Variants in LRP1B observed in about 807,000 individuals in gnomAD.
The protein encoded by LRP1B is LDL receptor related protein 1B.
A neutral mutation model predicts 556.6 loss-of-function variants in LRP1B; 217 were observed. That is an observed-to-expected ratio of 0.39 (90% CI 0.35 to 0.44). LRP1B has a LOEUF of 0.44. LRP1B is among the 20% of genes least tolerant of loss of function. LRP1B has a pLI of 1.00. For missense variants in LRP1B, 5,053 were observed against 5,620.8 expected (o/e 0.90, Z 3.23); for synonymous variants, 2,047 against 1,865.8 (o/e 1.10, Z -2.50).
intron 3 of LRP1B, among the ~76,000 whole-genome samples, chr2:141,332,448 G>GAAA (rs59675152): frequency 4.3e-5 from 6 of 139,010 alleles, no homozygotes; most frequent in Non-Finnish European, 4.6e-5. Context: ...ATATCTAACT[G>GAAA]AAAAAAAAAA....
chr2:140,935,792 C>T (rs1338750639), intron 20 of LRP1B, among the ~76,000 whole-genome samples: 1 of 151,916 alleles, frequency 6.6e-6, no homozygotes, highest in East Asian at 1.9e-4. Context: ...GAGAGATCCT[C>T]AGTATGATTA....
rs578047859 is a variant in LRP1B at position 141,594,893 on chromosome 2, C to G, written c.206-114360G>C. 2.0e-5 allele frequency among the ~76,000 whole-genome samples: 3 copies of G among 152,166 alleles called. No individual in the cohort carries two copies. The South Asian group carries it at 6.2e-4, about 32-fold the overall frequency. ...TGTCAAGAATATTTCTAGCTTTGAA[C>G]AGCCTGTAATTTCTAGTTTTCCTAA... On this transcript the variant is annotated intron_variant, in intron 2 of 90. Transcript: ENST00000389484.
intron 43 of LRP1B, among the ~76,000 whole-genome samples, chr2:140,553,422 A>AC (rs148593842): frequency 3.4e-5 from 5 of 148,202 alleles, no homozygotes; most frequent in Non-Finnish European, 7.5e-5. Context: ...TTGTGCTCTT[A>AC]ACACACACAC....
Position 140,297,811 on chromosome 2 carries a change from A to G in LRP1B, c.12964T>C (p.Tyr4322His), listed in dbSNP as rs1198295302. The change falls in exon 84 of 91, where the codon TAC becomes CAC. Residue 4322 changes from tyrosine to histidine, a missense_variant. Tyr to His is a moderately conservative substitution (Grantham distance 83). Around this residue, in one of 5 missense-constraint regions of LRP1B, gnomAD observed 551 missense variants for 592.0 expected, o/e 0.93. Coordinates refer to ENST00000389484, the MANE Select transcript of LRP1B (RefSeq NM_018557.3). ...QPEYTGDRCQ[Y>H]YVCHHYCVNS... ...TCTGGGTGCTGCTTTTACTTACAGT[A>G]CTGACATCTGTCTCCGGTGTATTCC... 6.2e-7 allele frequency: 1 copy of G among 1,612,828 alleles called. No homozygotes were observed. Among genetic ancestry groups the G allele is most frequent in the African/African-American group, 1.3e-5 (1 of 74,894 alleles).
chr2:140,565,201 G>GTA (rs973128045), intron 43 of LRP1B, among the ~76,000 whole-genome samples: 46 of 78,948 alleles, frequency 5.8e-4, no homozygotes, highest in African/African-American at 1.8e-3. Context: ...ATATATATCT[G>GTA]TATATATACA....
intron 11 of LRP1B, among the ~76,000 whole-genome samples, chr2:141,022,565 A>G (rs1012370240): frequency 2.0e-5 from 3 of 151,966 alleles, no homozygotes; most frequent in African/African-American, 7.2e-5. Flanking sequence ...ATAGAACATC[A>G]GTCTTATGTA....
chr2:140,573,473 A>G (rs1481084420), intron 43 of LRP1B, among the ~76,000 whole-genome samples: 1 of 151,918 alleles, frequency 6.6e-6, no homozygotes, highest in Non-Finnish European at 1.5e-5. Flanking sequence ...CAAAAACAAG[A>G]ATAACTAATC....
intron 41 of LRP1B, among the ~76,000 whole-genome samples, chr2:140,613,911 G>A (rs1394196398): frequency 6.6e-6 from 1 of 152,030 alleles, no homozygotes; most frequent in Non-Finnish European, 1.5e-5. Context: ...AGATGTGTAT[G>A]TATCTCCTAC....
chr2:141,694,699 G>A (rs1246625781), intron 2 of LRP1B, among the ~76,000 whole-genome samples: 1 of 151,412 alleles, frequency 6.6e-6, no homozygotes, highest in African/African-American at 2.4e-5. Flanking sequence ...GGAACAAATG[G>A]TGCTCTTTAG....
rs144678674 is a variant in LRP1B at position 140,998,347 on chromosome 2, T to C, written c.2504-4212A>G. On this transcript the variant is annotated intron_variant, in intron 15 of 90. Transcript: ENST00000389484. ...AATAATCTTGCTGGAGTTTTTGAAGTTGTTGTTAATAGTGACTCACTGTCT... is the reference window on the plus strand; with the variant it reads ...AATAATCTTGCTGGAGTTTTTGAAGCTGTTGTTAATAGTGACTCACTGTCT... Among the ~76,000 whole-genome samples the C allele has an allele frequency of 8.7e-4, 133 of 152,226 alleles. 1 individual carries two copies. In the South Asian group the frequency reaches 0.014, roughly 16 times the overall value.
chr2:140,639,373 T>A (rs1684191615), intron 41 of LRP1B, among the ~76,000 whole-genome samples: 1 of 152,218 alleles, frequency 6.6e-6, no homozygotes, highest in African/African-American at 2.4e-5. Context: ...TTTACCATGG[T>A]TGAACACTCT....
At chr2:140,703,811 C>T (rs1686732001) in intron 37 of LRP1B, among the ~76,000 whole-genome samples, 1 of 152,112 alleles carries the variant, frequency 6.6e-6, no homozygotes, top group Non-Finnish European at 1.5e-5. Flanking sequence ...GGTTTATGGC[C>T]TCCAGCTCCA....
chr2:140,725,974 G>A (rs1055795729), intron 35 of LRP1B, among the ~76,000 whole-genome samples: 1 of 152,070 alleles, frequency 6.6e-6, no homozygotes, highest in Non-Finnish European at 1.5e-5. Flanking sequence ...AACTGCTTGA[G>A]GAATGTTTTA....
intron 7 of LRP1B, among the ~76,000 whole-genome samples, chr2:141,141,535 A>C (rs1701651932): frequency 6.6e-6 from 1 of 152,134 alleles, no homozygotes; most frequent in Non-Finnish European, 1.5e-5. Context: ...AAGATAGGTA[A>C]ATTTTTAAAT....
chr2:140,320,371 C>T (rs138300228), intron 82 of LRP1B, among the ~76,000 whole-genome samples: 61 of 152,184 alleles, frequency 4.0e-4, no homozygotes, highest in African/African-American at 1.4e-3. Flanking sequence ...TTATAAAGAG[C>T]ACAAGTCTTC....
chr2:141,090,475 G>A (rs1423446215), intron 7 of LRP1B, among the ~76,000 whole-genome samples: 1 of 152,164 alleles, frequency 6.6e-6, no homozygotes, highest in African/African-American at 2.4e-5. Context: ...TTACCAAAGA[G>A]CTAGAACCGT....
At chr2:141,729,404 A>C (rs1424615038) in intron 2 of LRP1B, among the ~76,000 whole-genome samples, 1 of 152,176 alleles carries the variant, frequency 6.6e-6, no homozygotes, top group Non-Finnish European at 1.5e-5. Flanking sequence ...GAAGGGTCTT[A>C]GCAGGCAGAC....
chr2:140,563,258 G>T lies in LRP1B; in HGVS notation c.7195-21287C>A, dbSNP rs143603443. On this transcript the variant is annotated intron_variant, in intron 43 of 90. Coordinates refer to ENST00000389484, the MANE Select transcript of LRP1B (RefSeq NM_018557.3). ...AAACAACAGACAAAGTCTAATCAAG[G>T]CTTCAAAGAAAATTATTAAAGTGAT... Among the ~76,000 whole-genome samples the T allele has an allele frequency of 2.8e-3, 430 of 151,814 alleles. 1 individual carries two copies. The highest frequency in any genetic ancestry group is 9.8e-3 in the African/African-American group (408 of 41,430).
chr2:140,930,564 G>GC (rs2105270413), intron 20 of LRP1B, among the ~76,000 whole-genome samples: 1 of 152,074 alleles, frequency 6.6e-6, no homozygotes, highest in South Asian at 2.1e-4. Context: ...AATTGTTAAA[G>GC]CCCCCTTAGA....
Sources: allele counts gnomAD v4.1 joint callset (sites outside exome capture counted in the v4.1 genomes callset), GRCh38; gene constraint gnomAD v4.1.1; regional missense constraint gnomAD v4.1.1; transcripts MANE v1.5; gene names NCBI Gene and HGNC (gene_info 2026-07-23, HGNC 2026-07-21).